PELI2: variants seen among roughly 807,000 people sequenced by gnomAD.
PELI2 encodes the protein pellino E3 ubiquitin protein ligase family member 2.
PELI2 carries 23 observed loss-of-function variants against 42.3 expected under a neutral mutation model. The ratio of observed to expected loss-of-function variants is 0.54; its 90% confidence interval spans 0.39 to 0.77. The LOEUF (loss-of-function observed/expected upper bound fraction) is 0.77. PELI2 is among the 30% of genes least tolerant of loss of function. The pLI, the probability that PELI2 is intolerant of heterozygous loss-of-function variation, is 0.00. For synonymous variants in PELI2, 245 were observed against 212.2 expected, an observed-to-expected ratio of 1.15 and a Z score of -1.34; for missense variants, 463 against 553.2, an observed-to-expected ratio of 0.84 and a Z score of 1.64.
intron 2 of PELI2, among the ~76,000 whole-genome samples, chr14:56,208,584 CTTCA>C (rs1213142389): frequency 2.0e-5 from 3 of 152,178 alleles, no homozygotes; most frequent in African/African-American, 7.2e-5. Flanking sequence ...TCATTTTATT[CTTCA>C]TTGCCACAAA....
chr14:56,182,978 G>T (rs1009319531), intron 2 of PELI2, among the ~76,000 whole-genome samples: 13 of 152,090 alleles, frequency 8.5e-5, no homozygotes. Flanking sequence ...CTTCGGGAGA[G>T]TCATCACCTT....
chr14:56,233,220 C>G (rs1207960815), intron 2 of PELI2, among the ~76,000 whole-genome samples: 1 of 152,178 alleles, frequency 6.6e-6, no homozygotes, highest in East Asian at 1.9e-4. Context: ...ATCAAGCTAG[C>G]AGTGACTTTC....
intron 2 of PELI2, among the ~76,000 whole-genome samples, chr14:56,185,142 C>G (rs1885725330): frequency 1.3e-5 from 2 of 151,908 alleles, no homozygotes; most frequent in Admixed American, 1.3e-4. Context: ...AGGTGATTAT[C>G]CTATTATATG....
intron 1 of PELI2, among the ~76,000 whole-genome samples, chr14:56,166,442 T>C (rs1267151373): frequency 1.3e-5 from 2 of 152,122 alleles, no homozygotes; most frequent in African/African-American, 4.8e-5. Flanking sequence ...TGTTTTTCTG[T>C]GTACTTACTG....
Position 56,282,745 on chromosome 14 carries a change from C to T in PELI2, c.309+2968C>T, listed in dbSNP as rs529287207. Reference sequence around the variant, plus strand: ...CATTATATAATCTTATAAATGTCTTCTTATTCTGTTAAGGAAAATATCTTC... The same window carrying T: ...CATTATATAATCTTATAAATGTCTTTTTATTCTGTTAAGGAAAATATCTTC... On this transcript the variant is annotated intron_variant, in intron 3 of 5. Transcript: ENST00000267460. Among the ~76,000 whole-genome samples the T allele has an allele frequency of 9.1e-4, 139 of 152,128 alleles. 2 individuals are homozygous for T. Among genetic ancestry groups the T allele is most frequent in the African/African-American group, 3.1e-3 (129 of 41,528 alleles).
At chr14:56,267,784 T>G (rs1392442100) in intron 2 of PELI2, among the ~76,000 whole-genome samples, 1 of 152,262 alleles carries the variant, frequency 6.6e-6, no homozygotes, top group East Asian at 1.9e-4. Context: ...ATCTTCCCGT[T>G]TTTGTTTACA....
intron 2 of PELI2, among the ~76,000 whole-genome samples, chr14:56,247,286 C>T (rs971090814): frequency 4.6e-5 from 7 of 152,124 alleles, no homozygotes; most frequent in Non-Finnish European, 1.0e-4. Flanking sequence ...TATATTCTTC[C>T]GATTATTATT....
chr14:56,295,935 G>A (rs1236066414), intron 5 of PELI2, among the ~76,000 whole-genome samples: 1 of 152,238 alleles, frequency 6.6e-6, no homozygotes, highest in African/African-American at 2.4e-5. Context: ...CATGCATCTG[G>A]CATGTGGAGG....
At chr14:56,279,804 T>C in intron 3 of PELI2, 27 bp downstream of exon 3, 1 of 1,160,350 alleles carries the variant, frequency 8.6e-7, no homozygotes, top group Non-Finnish European at 1.3e-6. Context: ...TTAATAGAAA[T>C]TTTAGCACGT....
Position 56,301,151 on chromosome 14 carries a change from TAGC to T in PELI2, c.*3988_*3990del, listed in dbSNP as rs1433009015. 1 of 152,678 alleles carries T rather than the reference TAGC, an allele frequency of 6.5e-6. No individual in the cohort carries two copies. The highest frequency in any genetic ancestry group is 2.4e-5 in the African/African-American group (1 of 41,468). The allele number at this position is 152,678 out of a possible 1,614,324, so 9.5% of individuals were successfully genotyped here. ...TCACATTTACCATGTATTGTGTTAT[TAGC>T]AGTTAAATTTTATGAATATGTTTGT... On this transcript the variant is annotated 3_prime_UTR_variant, in exon 6 of 6. Coordinates refer to ENST00000267460, the MANE Select transcript of PELI2 (RefSeq NM_021255.3).
chr14:56,174,238 C>T (rs532224809), intron 1 of PELI2, among the ~76,000 whole-genome samples: 63 of 152,336 alleles, frequency 4.1e-4, no homozygotes, highest in African/African-American at 1.5e-3. Context: ...ATTCAATCCA[C>T]TGTACATAGA....
chr14:56,146,336 C>T (rs749399128), intron 1 of PELI2, among the ~76,000 whole-genome samples: 4 of 152,094 alleles, frequency 2.6e-5, no homozygotes, highest in African/African-American at 4.8e-5. Context: ...CAAACTGGGA[C>T]ATTGAGAAAG....
At chr14:56,156,703 T>A (rs1010326594) in intron 1 of PELI2, among the ~76,000 whole-genome samples, 2 of 152,224 alleles carry the variant, frequency 1.3e-5, no homozygotes, top group Non-Finnish European at 2.9e-5. Context: ...GTATGGCTAG[T>A]ATGGAGAGCT....
intron 2 of PELI2, among the ~76,000 whole-genome samples, chr14:56,231,778 C>T (rs1887581963): frequency 6.6e-6 from 1 of 152,084 alleles, no homozygotes; most frequent in East Asian, 1.9e-4. Context: ...CTGAAGGAGA[C>T]AGAGACACAG....
chr14:56,133,705 A>G (rs1223105359), intron 1 of PELI2, among the ~76,000 whole-genome samples: 1 of 152,136 alleles, frequency 6.6e-6, no homozygotes, highest in Non-Finnish European at 1.5e-5. Flanking sequence ...CCCAGGTGTC[A>G]CTTCCAGCGT....
intron 2 of PELI2, among the ~76,000 whole-genome samples, chr14:56,245,619 A>G (rs1888125583): frequency 6.6e-6 from 1 of 152,090 alleles, no homozygotes; most frequent in Admixed American, 6.6e-5. Context: ...TTTCTTTGGG[A>G]ACTGTTTCTT....
At chr14:56,279,194 A>G (rs1421641832) in intron 2 of PELI2, among the ~76,000 whole-genome samples, 5 of 152,210 alleles carry the variant, frequency 3.3e-5, no homozygotes, top group Non-Finnish European at 2.9e-5. Flanking sequence ...ACGGTGTATT[A>G]TGATATTGAA....
intron 2 of PELI2, among the ~76,000 whole-genome samples, chr14:56,255,834 C>T (rs1484575493): frequency 6.6e-6 from 1 of 152,152 alleles, no homozygotes; most frequent in African/African-American, 2.4e-5. Context: ...ACCATCTTGT[C>T]TGCTCCTTAC....
At chr14:56,129,009 G>A (rs1883383129) in intron 1 of PELI2, among the ~76,000 whole-genome samples, 2 of 152,106 alleles carry the variant, frequency 1.3e-5, no homozygotes, top group Admixed American at 6.5e-5. Flanking sequence ...GAGAGGTTGA[G>A]GGGCTGAGAG....
Sources: gnomAD v4.1 joint callset for allele counts (sites outside exome capture counted in the v4.1 genomes callset) on GRCh38, gnomAD v4.1.1 for gene constraint, MANE v1.5 for transcripts, NCBI Gene and HGNC (gene_info 2026-07-23, HGNC 2026-07-21) for gene names.